The following PLEC variants were observed in gnomAD, a reference collection of about 807,000 sequenced individuals.
PLEC encodes the protein plectin.
A neutral mutation model predicts 392.8 loss-of-function variants in PLEC; 216 were observed. The ratio of observed to expected loss-of-function variants is 0.55; its 90% CI spans 0.49 to 0.62. The LOEUF is 0.62. Ranked by LOEUF, PLEC falls within the 20% of genes least tolerant of loss-of-function variation. PLEC has a pLI of 0.00. For synonymous variants in PLEC, 3,621 were observed against 2,980.6 expected (o/e 1.21, Z -7.00); for missense variants, 6,863 against 6,563.4 (o/e 1.05, Z -1.58).
At chr8:143,962,310 G>A (rs1273160064) in intron 1 of PLEC, among the ~76,000 whole-genome samples, 1 of 150,066 alleles carries the variant, frequency 6.7e-6, no homozygotes, top group Admixed American at 6.6e-5. Flanking sequence ...AGAGGCAGGC[G>A]GCTATTCCTA....
rs367706256 is a variant in PLEC, at chr8:143,922,594, G to A, written c.7335C>T (p.Ala2445=). 122 of 1,613,428 alleles carry A rather than the reference G, an allele frequency of 7.6e-5. No homozygotes were observed. Among genetic ancestry groups the A allele is most frequent in the Non-Finnish European group, 1.0e-4 (119 of 1,179,972 alleles). ...CAGCGATGGCCTCCCGCAGGCGCTC[G>A]GCATCATGGTCACTCTGCTGTCGCT... ...EIQRQQSDHD[A]ERLREAIAEL... The change falls in exon 31 of 32, where the codon GCC becomes GCT. Residue 2445 remains alanine (A), a synonymous_variant. Coordinates refer to ENST00000345136, the MANE Select transcript of PLEC (RefSeq NM_201384.3).
At position 143,924,907 on chromosome 8, in the gene PLEC, C is replaced by A; in HGVS notation, c.5022G>T (p.Arg1674=). The change falls in exon 31 of 32, where the codon CGG becomes CGT. Residue 1674 remains arginine, a synonymous_variant. Transcript: ENST00000345136. Reference sequence around the variant, plus strand: ...CCTGCTCCTCCGCCTTGCCGCGCCGCCGCGCCTCGCGCTCCGCCTCCTCCT... The same window carrying A: ...CCTGCTCCTCCGCCTTGCCGCGCCGACGCGCCTCGCGCTCCGCCTCCTCCT... ...KQKEEAEREA[R]RRGKAEEQAV... 6.3e-7 allele frequency: 1 copy of A among 1,586,582 alleles called. No individual in the cohort carries two copies. The highest frequency in any genetic ancestry group is 8.5e-7 in the Non-Finnish European group (1 of 1,174,118).
upstream of PLEC, among the ~76,000 whole-genome samples, chr8:143,974,532 C>T (rs572802448): frequency 6.6e-6 from 1 of 152,368 alleles, no homozygotes; most frequent in South Asian, 2.1e-4. This position sits in a 1 kb window ranked among gnomAD's most constrained non-coding sequence, Gnocchi z 5.9. Flanking sequence ...TCTGCAACAT[C>T]CCCCCAGGGC....
chr8:143,950,711 G>A, exon 1 of PLEC: 1 of 1,556,798 alleles, frequency 6.4e-7, no homozygotes, highest in Non-Finnish European at 8.6e-7. Context: ...CACCATGGCT[G>A]CTGGAGCCGG....
chr8:143,950,579 A>G, exon 1 of PLEC: 1 of 1,608,356 alleles, frequency 6.2e-7, no homozygotes, highest in Middle Eastern at 1.7e-4. Context: ...CAGGTTGGTG[A>G]CGCCGGGCAC....
Position 143,917,962 on chromosome 8 carries a change from C to A in PLEC, c.11859G>T (p.Met3953Ile). Residue 3953 changes from methionine to isoleucine, a missense_variant, in exon 32 of 32, where the codon ATG becomes ATT. Transcript: ENST00000345136. ...TGCCGGGGCGGATGATGCCCTTCTT[C>A]ATGGCCTGGTACACCGAGAGCCGTT... ...TKERLSVYQA[M>I]KKGIIRPGTA... The A allele has an allele frequency of 6.2e-7, 1 of 1,612,976 alleles. No individual in the cohort carries two copies. The highest frequency in any genetic ancestry group is 8.5e-7 in the Non-Finnish European group (1 of 1,180,004).
rs200869147 is a variant in PLEC, at chr8:143,939,435, C to T, written c.27G>A (p.Pro9=). The change falls in exon 1 of 32, where the codon CCG becomes CCA. Residue 9 remains proline (P), a synonymous_variant. Transcript: ENST00000345136. ...TCTTTCGGCCCAGGCCCTCGGGCTG[C>T]GGCACGCGGAGCTGGTGCTGAGACA... The part of the protein sequence containing the change: MSQHQLRV[P]QPEGLGRKRT... The T allele has an allele frequency of 3.3e-5, 54 of 1,612,266 alleles. No homozygotes were observed. Among genetic ancestry groups the T allele is most frequent in the East Asian group, 2.2e-4 (10 of 44,868 alleles).
intron 1 of PLEC, among the ~76,000 whole-genome samples, chr8:143,938,915 C>A (rs1554726128): frequency 6.6e-6 from 1 of 152,070 alleles, no homozygotes; most frequent in Admixed American, 6.5e-5. Flanking sequence ...TGCAGCCACC[C>A]CACCCCGGAC....
chr8:143,941,142 C>A (rs1554728400), upstream of PLEC, among the ~76,000 whole-genome samples: 1 of 152,234 alleles, frequency 6.6e-6, no homozygotes, highest in Non-Finnish European at 1.5e-5. Context: ...CCAGCAGCTA[C>A]CCTGAGGCCA....
intron 1 of PLEC, among the ~76,000 whole-genome samples, chr8:143,948,667 T>G (rs1197190012): frequency 2.6e-5 from 4 of 151,474 alleles, no homozygotes; most frequent in African/African-American, 9.7e-5. Flanking sequence ...CGGGGAGGGG[T>G]GCCCTCCGCT....
chr8:143,936,821 G>A (rs781885852), intron 5 of PLEC, among the ~76,000 whole-genome samples, 158 bp downstream of exon 5: 3 of 152,218 alleles, frequency 2.0e-5, no homozygotes, highest in Non-Finnish European at 2.9e-5. Flanking sequence ...CCAGGGTTGC[G>A]GCTGGCAGGA....
Position 143,923,809 on chromosome 8 carries a change from C to A in PLEC, c.6120G>T (p.Gln2040His). The change falls in exon 31 of 32, where the codon CAG becomes CAT. Residue 2040 changes from glutamine to histidine, a missense_variant. Transcript: ENST00000345136. ...CCTGCAGCCGCTTCTGGGCGGCCTC[C>A]TGGGCCAGCTGCAGCTGCCGCGCCG... The part of the protein sequence containing the change: ...QESARQLQLA[Q>H]EAAQKRLQAE... 6.3e-7 allele frequency: 1 copy of A among 1,581,580 alleles called. No homozygotes were observed. Among genetic ancestry groups the A allele is most frequent in the East Asian group, 2.3e-5 (1 of 43,718 alleles).
chr8:143,925,160 G>T lies in PLEC; in HGVS notation c.4769C>A (p.Ala1590Glu). The change falls in exon 31 of 32, where the codon GCA (alanine) becomes GAA (glutamate). Residue 1590 changes from alanine to glutamate, a missense_variant. Transcript: ENST00000345136. ...SKRASFAEKT[A>E]QLERSLQEEH... is the part of the protein sequence containing the mutation. ...CTCCTGCAGGGAGCGCTCCAGCTGTGCCGTCTTCTCGGCGAAGGAGGCGCG... is the reference window on the plus strand; with the variant it reads ...CTCCTGCAGGGAGCGCTCCAGCTGTTCCGTCTTCTCGGCGAAGGAGGCGCG... 1 of 1,559,464 alleles carries T rather than the reference G, an allele frequency of 6.4e-7. No individual in the cohort carries two copies. Among genetic ancestry groups the T allele is most frequent in the East Asian group, 2.4e-5 (1 of 42,172 alleles).
chr8:143,973,594 A>G, upstream of PLEC: 1 of 936,400 alleles, frequency 1.1e-6, no homozygotes, highest in Admixed American at 6.2e-5. The surrounding 1 kb of genome is among the most constrained non-coding windows in gnomAD (Gnocchi z 5.6). Context: ...CCGCCCCCGC[A>G]CCCAGGATGC....
upstream of PLEC, among the ~76,000 whole-genome samples, chr8:143,941,896 C>T (rs1316073955): frequency 6.6e-6 from 1 of 152,198 alleles, no homozygotes; most frequent in African/African-American, 2.4e-5. Context: ...GGGTCCCTCA[C>T]GACAGGCACT....
intron 1 of PLEC, chr8:143,946,632 C>G (rs1045821004): frequency 2.4e-4 from 73 of 302,916 alleles, no homozygotes; most frequent in African/African-American, 1.6e-3. Context: ...CCAGAGAGCC[C>G]TCCGGCCCCA....
Position 143,924,034 on chromosome 8 carries a change from G to A in PLEC, c.5895C>T (p.Ala1965=), listed in dbSNP as rs899618947. ...AEDTLRSKEQ[A]ELEAARQRQL... is the part of the protein sequence containing the mutation. ...GCCGCTGCCTCGCAGCCTCCAGCTC[G>A]GCCTGCTCCTTGCTGCGCAGCGTGT... Residue 1965 remains alanine (A), a synonymous_variant, in exon 31 of 32, where the codon GCC becomes GCT. Transcript: ENST00000345136. 3.5e-5 allele frequency: 55 copies of A among 1,593,568 alleles called. No homozygotes were observed. The highest frequency in any genetic ancestry group is 2.2e-4 in the African/African-American group (16 of 74,342).
chr8:143,965,841 A>T (rs191059837), intron 1 of PLEC, among the ~76,000 whole-genome samples: 215 of 152,206 alleles, frequency 1.4e-3, no homozygotes, highest in African/African-American at 5.0e-3. Context: ...GGGCCAGGTG[A>T]TGCCCATGCC....
chr8:143,959,672 T>C (rs191436672), intron 1 of PLEC, among the ~76,000 whole-genome samples: 72 of 152,378 alleles, frequency 4.7e-4, no homozygotes, highest in African/African-American at 1.5e-3. Flanking sequence ...ACGACTGCAG[T>C]ACCTAGCCAG....
Sources: allele counts gnomAD v4.1 joint callset (sites outside exome capture counted in the v4.1 genomes callset), GRCh38; gene constraint gnomAD v4.1.1; non-coding constraint Gnocchi (gnomAD v3.1); transcripts MANE v1.5; gene names NCBI Gene and HGNC (gene_info 2026-07-23, HGNC 2026-07-21).